The following ANK2 variants were observed in gnomAD, a reference collection of about 807,000 sequenced individuals.
ANK2 encodes ankyrin 2.
ANK2 carries 83 observed loss-of-function variants against 360.5 expected under a neutral mutation model. The observed-to-expected ratio is 0.23, with a 90% CI of 0.19 to 0.28. ANK2 has a LOEUF of 0.28. Among genes scored for constraint, ANK2 ranks in the 10% least tolerant of loss-of-function variants. The pLI, the probability that ANK2 is intolerant of heterozygous loss-of-function variation, is 1.00. For synonymous variants in ANK2, 1,740 were observed against 1,759.5 expected (o/e 0.99, Z 0.28); for missense variants, 4,201 against 4,795.7 (o/e 0.88, Z 3.66).
intron 1 of ANK2, among the ~76,000 whole-genome samples, chr4:113,103,477 T>A (rs112026223): frequency 0.013 from 1,960 of 152,222 alleles, 45 homozygotes; most frequent in African/African-American, 0.043. Context: ...ATTTTGAAAT[T>A]AAGGAAAAGA....
At chr4:113,058,078 T>C (rs574836032) in intron 1 of ANK2, among the ~76,000 whole-genome samples, 1 of 152,286 alleles carries the variant, frequency 6.6e-6, no homozygotes, top group East Asian at 1.9e-4. Flanking sequence ...CAGTCTTCTT[T>C]GTCCATTTTA....
At chr4:113,189,376 G>A (rs1238241428) in intron 2 of ANK2, among the ~76,000 whole-genome samples, 2 of 152,218 alleles carry the variant, frequency 1.3e-5, no homozygotes, top group Non-Finnish European at 2.9e-5. Flanking sequence ...GGAGAAGATC[G>A]GAAGTCATTG....
chr4:112,793,872 T>G, the ANK2 span, among the ~76,000 whole-genome samples: 4 of 149,318 alleles, frequency 2.7e-5, no homozygotes, highest in East Asian at 7.7e-4. Context: ...CACTTGGCTA[T>G]TTTTTTTGGT....
upstream of ANK2, among the ~76,000 whole-genome samples, chr4:113,048,248 GTA>G (rs869196489): frequency 0.081 from 2,908 of 36,050 alleles, 80 homozygotes; most frequent in Admixed American, 0.13. Flanking sequence ...CTACAAGTGT[GTA>G]TATATATATA....
chr4:112,881,773 C>A, intron 1 of ANK2: 1 of 747,282 alleles, frequency 1.3e-6, no homozygotes, highest in South Asian at 1.5e-5. Flanking sequence ...TCAAACTGTT[C>A]AAAATAAACT....
At chr4:113,137,091 C>T (rs2096455317) in intron 1 of ANK2, among the ~76,000 whole-genome samples, 1 of 152,108 alleles carries the variant, frequency 6.6e-6, no homozygotes, top group Non-Finnish European at 1.5e-5. Flanking sequence ...ACCTTGGCCC[C>T]CCAAAGTGCT....
intron 5 of ANK2, among the ~76,000 whole-genome samples, chr4:113,233,454 G>A (rs2099346455): frequency 6.6e-6 from 1 of 151,924 alleles, no homozygotes; most frequent in African/African-American, 2.4e-5. Context: ...TTCATATTTT[G>A]TGGCCCCACT....
chr4:112,752,851 A>G, the ANK2 span, among the ~76,000 whole-genome samples: 1 of 151,698 alleles, frequency 6.6e-6, no homozygotes, highest in African/African-American at 2.4e-5. Flanking sequence ...TTTTTTGTAG[A>G]GAAGAGATTT....
intron 1 of ANK2, among the ~76,000 whole-genome samples, chr4:113,097,855 T>C (rs1475210526): frequency 1.4e-4 from 16 of 117,530 alleles, no homozygotes; most frequent in South Asian, 2.9e-4. Flanking sequence ...TGTGTGTGTG[T>C]GTGTGTGTGT....
chr4:113,161,833 T>C, intron 1 of ANK2, among the ~76,000 whole-genome samples: 1 of 152,048 alleles, frequency 6.6e-6, no homozygotes, highest in East Asian at 1.9e-4. Flanking sequence ...CCAGGGGCAT[T>C]ACAAGAGGCC....
chr4:112,988,620 T>C (rs1206315719), intron 2 of ANK2, among the ~76,000 whole-genome samples: 3 of 152,374 alleles, frequency 2.0e-5, no homozygotes, highest in South Asian at 4.1e-4. Flanking sequence ...AGTATAACAG[T>C]GGCTGATAAT....
the ANK2 span, among the ~76,000 whole-genome samples, chr4:112,776,042 G>T: frequency 6.6e-6 from 1 of 152,108 alleles, no homozygotes; most frequent in Non-Finnish European, 1.5e-5. Context: ...TCTGAGAAGC[G>T]CCAGCCTAGG....
At chr4:112,711,390 G>A in the ANK2 span, among the ~76,000 whole-genome samples, 1 of 152,106 alleles carries the variant, frequency 6.6e-6, no homozygotes, top group African/African-American at 2.4e-5. Context: ...GGGTATGGTC[G>A]TGGGTGCCTG....
chr4:113,313,434 C>A (rs58226848), intron 24 of ANK2, among the ~76,000 whole-genome samples: 1 of 151,918 alleles, frequency 6.6e-6, no homozygotes, highest in African/African-American at 2.4e-5. Context: ...CTGCTTAAAT[C>A]CAATACTTTT....
chr4:113,359,391 C>T, intron 38 of ANK2, 92 bp downstream of exon 38: 3 of 1,543,148 alleles, frequency 1.9e-6, no homozygotes, highest in Non-Finnish European at 2.6e-6. Flanking sequence ...TGATTTGTGT[C>T]TCATTTTCTT....
At chr4:112,759,968 T>TA in the ANK2 span, among the ~76,000 whole-genome samples, 2 of 152,148 alleles carry the variant, frequency 1.3e-5, no homozygotes, top group Non-Finnish European at 2.9e-5. Context: ...AACCACTTAA[T>TA]ATGAGCTTCT....
At chr4:113,010,873 G>A (rs2054499492) in intron 2 of ANK2, among the ~76,000 whole-genome samples, 1 of 152,028 alleles carries the variant, frequency 6.6e-6, no homozygotes, top group South Asian at 2.1e-4. Flanking sequence ...ACATAATATG[G>A]TTAAATACAT....
chr4:112,711,229 C>T, the ANK2 span, among the ~76,000 whole-genome samples: 1 of 151,246 alleles, frequency 6.6e-6, no homozygotes, highest in Non-Finnish European at 1.5e-5. Context: ...CTCTGTACTG[C>T]CCAGGCTATG....
At chr4:113,063,084 T>C (rs890784594) in intron 1 of ANK2, among the ~76,000 whole-genome samples, 8 of 152,100 alleles carry the variant, frequency 5.3e-5, no homozygotes, top group Non-Finnish European at 1.0e-4. Flanking sequence ...AATTCTAAAG[T>C]TGAATATGAC....
Sources: gnomAD v4.1 joint callset for allele counts (sites outside exome capture counted in the v4.1 genomes callset) on GRCh38, gnomAD v4.1.1 for gene constraint, MANE v1.5 for transcripts, NCBI Gene and HGNC (gene_info 2026-07-23, HGNC 2026-07-21) for gene names.